Variants in PDSS2 observed in about 807,000 individuals in gnomAD.
PDSS2 encodes all trans-polyprenyl-diphosphate synthase PDSS2.
A neutral mutation model predicts 44.5 loss-of-function variants in PDSS2; 31 were observed. That is an observed-to-expected ratio of 0.70 (90% CI 0.52 to 0.94). The LOEUF (loss-of-function observed/expected upper bound fraction) is 0.94, where lower values mean the gene tolerates loss of function less well. Among genes scored for constraint, PDSS2 ranks in the 40% least tolerant of loss-of-function variants. The probability of loss-of-function intolerance (pLI) is 0.00; values close to 1 mark genes in which losing one functional copy is unlikely to be tolerated. For synonymous variants in PDSS2, 157 were observed against 180.3 expected (o/e 0.87, Z 1.03); for missense variants, 452 against 482.2 (o/e 0.94, Z 0.59).
At chr6:107,247,025 T>C (rs1046270866) in intron 3 of PDSS2, among the ~76,000 whole-genome samples, 2 of 152,126 alleles carry the variant, frequency 1.3e-5, no homozygotes, top group African/African-American at 2.4e-5. Context: ...TGGATTTTTT[T>C]CCCCCTGAAG....
At chr6:107,217,752 A>C (rs1335796326) in intron 4 of PDSS2, among the ~76,000 whole-genome samples, 1 of 152,222 alleles carries the variant, frequency 6.6e-6, no homozygotes, top group Non-Finnish European at 1.5e-5. Context: ...TGCGAAATGA[A>C]ATATGTACAA....
In PDSS2 at chr6:107,154,417, G is replaced by C. The variant is rs1276092060; in HGVS notation, c.*202C>G. On this transcript the variant is annotated 3_prime_UTR_variant, in exon 8 of 8. Transcript: ENST00000369037. Reference sequence around the variant, plus strand: ...CTCAAGTGTGCTTCTGGCGTGACAAGTGAAAACTGCTTGACCTTTTTTTCT... The same window carrying C: ...CTCAAGTGTGCTTCTGGCGTGACAACTGAAAACTGCTTGACCTTTTTTTCT... 5.4e-6 allele frequency: 3 copies of C among 558,480 alleles called. No individual in the cohort carries two copies. In the African/African-American group the frequency reaches 5.6e-5, roughly 11 times the overall value. 34.6% of individuals were successfully genotyped at this position (558,480 alleles called of 1,614,324 possible).
intron 2 of PDSS2, among the ~76,000 whole-genome samples, chr6:107,302,707 T>C (rs1221706652): frequency 6.6e-6 from 1 of 152,134 alleles, no homozygotes; most frequent in Non-Finnish European, 1.5e-5. Context: ...ATAAGTCATA[T>C]GAGAGTATGC....
intron 1 of PDSS2, among the ~76,000 whole-genome samples, chr6:107,425,923 T>C (rs1489312928): frequency 1.3e-5 from 2 of 148,334 alleles, no homozygotes; most frequent in South Asian, 2.1e-4. Context: ...ATTGCGCCAC[T>C]GCACTCCAGC....
At chr6:107,306,128 T>C (rs895580859) in intron 2 of PDSS2, among the ~76,000 whole-genome samples, 21 of 152,196 alleles carry the variant, frequency 1.4e-4, no homozygotes, top group African/African-American at 4.8e-4. Flanking sequence ...TAATTCCTGA[T>C]GCCCGCCCAC....
chr6:107,424,951 T>G (rs1211063490), intron 1 of PDSS2, among the ~76,000 whole-genome samples: 1 of 152,162 alleles, frequency 6.6e-6, no homozygotes, highest in Non-Finnish European at 1.5e-5. Context: ...GGGAGGTGAT[T>G]GAATCATGGG....
chr6:107,421,291 T>C (rs754528611), intron 1 of PDSS2, among the ~76,000 whole-genome samples: 37 of 152,300 alleles, frequency 2.4e-4, no homozygotes, highest in Non-Finnish European at 4.6e-4. Context: ...CAATTTCTTA[T>C]GAAATTGAAC....
intron 1 of PDSS2, among the ~76,000 whole-genome samples, chr6:107,447,826 G>A (rs1781737738): frequency 6.6e-6 from 1 of 152,218 alleles, no homozygotes; most frequent in South Asian, 2.1e-4. Context: ...CCTAGCAGAG[G>A]TTCTCCATGA....
intron 6 of PDSS2, chr6:107,197,739 C>T (rs773013424): frequency 9.7e-5 from 44 of 453,604 alleles, no homozygotes; most frequent in Non-Finnish European, 1.8e-4. Flanking sequence ...ACACTGAGCA[C>T]ATCTGTCATT....
intron 4 of PDSS2, chr6:107,229,719 G>A (rs938750590): frequency 2.6e-5 from 4 of 152,152 alleles, no homozygotes; most frequent in Non-Finnish European, 5.9e-5. Context: ...TATGAACACT[G>A]TAGTCCTCTC....
chr6:107,382,304 A>T (rs553341175), intron 1 of PDSS2, among the ~76,000 whole-genome samples: 34 of 150,834 alleles, frequency 2.3e-4, no homozygotes, highest in African/African-American at 8.0e-4. Context: ...CATAATAATT[A>T]AAGTCTTGAA....
chr6:107,400,374 CA>C (rs914149246), intron 1 of PDSS2, among the ~76,000 whole-genome samples: 7 of 152,196 alleles, frequency 4.6e-5, no homozygotes, highest in Non-Finnish European at 1.0e-4. Context: ...ACCCCACAGT[CA>C]GAACCAAGAG....
At chr6:107,404,387 T>C (rs1050794795) in intron 1 of PDSS2, among the ~76,000 whole-genome samples, 1 of 152,218 alleles carries the variant, frequency 6.6e-6, no homozygotes, top group Non-Finnish European at 1.5e-5. Flanking sequence ...GTTGTTTCCA[T>C]ATTTTTGGGT....
intron 3 of PDSS2, among the ~76,000 whole-genome samples, chr6:107,257,126 G>C (rs1775049005): frequency 6.6e-6 from 1 of 151,860 alleles, no homozygotes; most frequent in African/African-American, 2.4e-5. Context: ...GTTGGAGTGA[G>C]CCAAGATCAT....
intron 5 of PDSS2, among the ~76,000 whole-genome samples, chr6:107,211,586 C>T (rs1336337452): frequency 6.6e-6 from 1 of 151,788 alleles, no homozygotes; most frequent in Non-Finnish European, 1.5e-5. Flanking sequence ...AAAAATTAGC[C>T]AGGCGTGGTG....
intron 1 of PDSS2, among the ~76,000 whole-genome samples, chr6:107,346,627 A>G (rs1352419128): frequency 6.6e-6 from 1 of 152,184 alleles, no homozygotes; most frequent in Non-Finnish European, 1.5e-5. Context: ...CAACCTGCCT[A>G]AAATTATTTA....
chr6:107,325,915 T>C (rs1777529581), intron 2 of PDSS2, among the ~76,000 whole-genome samples: 1 of 152,226 alleles, frequency 6.6e-6, no homozygotes, highest in Admixed American at 6.5e-5. Context: ...GTTAATCTTT[T>C]CATTTATAGT....
intron 1 of PDSS2, among the ~76,000 whole-genome samples, chr6:107,371,158 C>T (rs1331484174): frequency 6.9e-6 from 1 of 144,412 alleles, no homozygotes; most frequent in African/African-American, 2.6e-5. Context: ...CCAGCCTGGG[C>T]GACAAGAGCA....
At chr6:107,365,906 A>G (rs905156368) in intron 1 of PDSS2, among the ~76,000 whole-genome samples, 1 of 152,206 alleles carries the variant, frequency 6.6e-6, no homozygotes, top group Admixed American at 6.5e-5. Context: ...AAAAACTGAA[A>G]AAACTGAAAG....
Sources: gnomAD v4.1 joint callset for allele counts (sites outside exome capture counted in the v4.1 genomes callset) on GRCh38, gnomAD v4.1.1 for gene constraint, MANE v1.5 for transcripts, NCBI Gene and HGNC (gene_info 2026-07-23, HGNC 2026-07-21) for gene names.